SHANK2: variants seen among roughly 807,000 people sequenced by gnomAD.
SHANK2 encodes SH3 and multiple ankyrin repeat domains 2.
Under a neutral mutation model 133.7 loss-of-function variants are expected in SHANK2, and 43 were observed. The observed-to-expected ratio is 0.32, with a 90% CI of 0.25 to 0.41. The LOEUF (loss-of-function observed/expected upper bound fraction) is 0.41, where lower values mean the gene tolerates loss of function less well. Among genes scored for constraint, SHANK2 ranks in the 10% least tolerant of loss-of-function variants. The probability of loss-of-function intolerance (pLI) is 1.00; values close to 1 mark genes in which losing one functional copy is unlikely to be tolerated. For missense variants in SHANK2, 1,994 were observed against 2,235.8 expected, an observed-to-expected ratio of 0.89 and a Z score of 2.18; for synonymous variants, 1,017 against 952.8, an observed-to-expected ratio of 1.07 and a Z score of -1.24.
chr11:71,133,926 A>ATT (rs782273886), intron 3 of SHANK2, among the ~76,000 whole-genome samples: 4,265 of 144,044 alleles, frequency 0.03, 117 homozygotes, highest in African/African-American at 0.08. Context: ...AAAACTATGT[A>ATT]TTTTTTTTTT....
Position 71,241,785 on chromosome 11 carries a change from A to G in SHANK2, c.-113+10640T>C, listed in dbSNP as rs1321014694. Reference sequence around the variant, plus strand: ...TACTTTCTCCTGAGACCCATGAAGAAAGGTGGGGCCTCCTTCTGTGAGAAA... The same window carrying G: ...TACTTTCTCCTGAGACCCATGAAGAGAGGTGGGGCCTCCTTCTGTGAGAAA... On this transcript the variant is annotated intron_variant, in intron 1 of 25. Transcript: ENST00000601538. 3.9e-4 allele frequency among the ~76,000 whole-genome samples: 60 copies of G among 152,230 alleles called. 2 individuals are homozygous for G. Among genetic ancestry groups the G allele is most frequent in the Admixed American group, 2.5e-3 (38 of 15,282 alleles).
At chr11:70,632,088 T>C (rs1416404139) in intron 17 of SHANK2, among the ~76,000 whole-genome samples, 30 of 152,212 alleles carry the variant, frequency 2.0e-4, no homozygotes, top group African/African-American at 7.2e-4. Context: ...AGAATGCGAT[T>C]TGTCCTTCAA....
intron 10 of SHANK2, among the ~76,000 whole-genome samples, chr11:70,909,542 G>A (rs1950157911): frequency 6.6e-6 from 1 of 152,146 alleles, no homozygotes; most frequent in Non-Finnish European, 1.5e-5. Context: ...TGAGGAAGTA[G>A]AGCTGTCGTG....
In SHANK2 at chr11:70,944,075, A is replaced by G. The variant is rs1188829550; in HGVS notation, c.1108-47508T>C. ...GGCTAGCTACATCTTGTCCACAGCA[A>G]GGTAGGCAGTCGACTGCAATTCTAT... On this transcript the variant is annotated intron_variant, in intron 10 of 25. Coordinates refer to ENST00000601538, the MANE Select transcript of SHANK2 (RefSeq NM_012309.5). The G allele has an allele frequency of 4.6e-4, 188 of 411,622 alleles. 2 individuals are homozygous for G. Among genetic ancestry groups the G allele is most frequent in the South Asian group, 2.8e-3 (161 of 57,212 alleles). 25.5% of individuals were successfully genotyped at this position (411,622 alleles called of 1,614,324 possible). A position where few individuals can be genotyped will look rare whatever the true frequency, so the allele number is the denominator to read the frequency against.
At chr11:70,801,626 TGGA>T (rs1948049344) in intron 13 of SHANK2, among the ~76,000 whole-genome samples, 2 of 151,984 alleles carry the variant, frequency 1.3e-5, no homozygotes, top group African/African-American at 2.4e-5. Context: ...TAAGAAGAGG[TGGA>T]GGAGAAGAGG....
rs5792531 is a variant in SHANK2, at chr11:70,717,814, GA to G, written c.1778-19052del. 2.4e-4 allele frequency among the ~76,000 whole-genome samples: 35 copies of G among 146,540 alleles called. No homozygotes were observed. In the East Asian group the frequency reaches 3.2e-3, roughly 13 times the overall value. On this transcript the variant is annotated intron_variant, in intron 14 of 25. Coordinates refer to ENST00000601538, the MANE Select transcript of SHANK2 (RefSeq NM_012309.5). ...CTACTACTGCCTGTTAATTCAACAGGAAAAAAAAAAAGTTGCAGCCCTCTGG... is the reference window on the plus strand; with the variant it reads ...CTACTACTGCCTGTTAATTCAACAGGAAAAAAAAAAGTTGCAGCCCTCTGG...
intron 2 of SHANK2, among the ~76,000 whole-genome samples, chr11:71,193,117 A>G (rs1423272032): frequency 6.6e-6 from 1 of 152,246 alleles, no homozygotes; most frequent in Non-Finnish European, 1.5e-5. Context: ...GCCTCCAGGC[A>G]ATGCAGAGAC....
chr11:70,816,225 G>A (rs1407713546), intron 12 of SHANK2, among the ~76,000 whole-genome samples: 1 of 152,260 alleles, frequency 6.6e-6, no homozygotes, highest in African/African-American at 2.4e-5. Context: ...TCGGGAGGGG[G>A]TGAAAGTCAT....
At position 70,923,265 on chromosome 11, in the gene SHANK2, T is replaced by C. The variant is rs1234864145; in HGVS notation, c.1108-26698A>G. ...GTTTTGTTTTGCTTTGTTTTTGAGA[T>C]GGAGTCTTTCTCTGTTACCCAGGCT... is the stretch of plus-strand genomic sequence containing the variant. On this transcript the variant is annotated intron_variant, in intron 10 of 25. Transcript: ENST00000601538. Among the ~76,000 whole-genome samples, 6 of 152,358 alleles carry C rather than the reference T, an allele frequency of 3.9e-5. No homozygotes were observed. The East Asian group carries it at 9.6e-4, about 24-fold the overall frequency.
chr11:70,693,677 C>T (rs551010756), intron 15 of SHANK2, among the ~76,000 whole-genome samples: 1 of 152,274 alleles, frequency 6.6e-6, no homozygotes, highest in African/African-American at 2.4e-5. Flanking sequence ...TGTTTATATC[C>T]TCAGCTCCCA....
chr11:70,712,601 C>G (rs1266494789), intron 14 of SHANK2, among the ~76,000 whole-genome samples: 2 of 152,252 alleles, frequency 1.3e-5, no homozygotes, highest in Non-Finnish European at 2.9e-5. Context: ...AAACAACACT[C>G]AGTTCCAATT....
intron 13 of SHANK2, among the ~76,000 whole-genome samples, chr11:70,803,020 G>A (rs12164812): frequency 0.012 from 1,757 of 152,274 alleles, 32 homozygotes; most frequent in African/African-American, 0.037. Flanking sequence ...GAGAGGGAGC[G>A]TGGCAGGTGG....
chr11:71,200,402 T>C (rs910035300), intron 2 of SHANK2, among the ~76,000 whole-genome samples: 1 of 152,230 alleles, frequency 6.6e-6, no homozygotes, highest in Non-Finnish European at 1.5e-5. Flanking sequence ...TGGGCTATTA[T>C]AAATAACGCT....
chr11:70,752,574 C>T (rs1167099956), intron 14 of SHANK2, among the ~76,000 whole-genome samples: 2 of 151,816 alleles, frequency 1.3e-5, no homozygotes, highest in African/African-American at 2.4e-5. Context: ...GGCGAAGTGG[C>T]GGGCGCCTGT....
intron 3 of SHANK2, among the ~76,000 whole-genome samples, chr11:71,139,121 A>G (rs1428397095): frequency 6.6e-6 from 1 of 152,322 alleles, no homozygotes; most frequent in East Asian, 1.9e-4. Context: ...CACTGACTCA[A>G]GCACAGAATG....
intron 16 of SHANK2, 44 bp downstream of exon 16, chr11:70,661,549 ACAC>A (rs2061490616): frequency 2.2e-6 from 3 of 1,365,408 alleles, no homozygotes; most frequent in African/African-American, 1.5e-5. Flanking sequence ...ACACACACAC[ACAC>A]ACAAACATGG....
intron 10 of SHANK2, among the ~76,000 whole-genome samples, chr11:70,903,234 G>A (rs542394972): frequency 6.6e-6 from 1 of 151,930 alleles, no homozygotes; most frequent in East Asian, 1.9e-4. Context: ...AAAATTAGCT[G>A]TGCGTGGTGG....
chr11:70,919,549 AT>A (rs1200083368), intron 10 of SHANK2, among the ~76,000 whole-genome samples: 1 of 151,918 alleles, frequency 6.6e-6, no homozygotes, highest in Admixed American at 6.5e-5. Context: ...CACCTGGCTA[AT>A]TTTGTATTTT....
chr11:70,485,231 G>C lies in SHANK2; in HGVS notation c.4979+83C>G. On this transcript the variant is annotated intron_variant, in intron 25 of 25. Coordinates refer to ENST00000601538, the MANE Select transcript of SHANK2 (RefSeq NM_012309.5). This position sits in a 1 kb window ranked among gnomAD's most constrained non-coding sequence, Gnocchi z 5.8. ...ACGAATTCCCCTCTTCGTGTCCGCT[G>C]GGGCTGCTACCCGAGGGCCTTTCCT... 8.4e-7 allele frequency: 1 copy of C among 1,184,004 alleles called. No individual in the cohort carries two copies. The highest frequency in any genetic ancestry group is 1.3e-6 in the Non-Finnish European group (1 of 798,184). 73.3% of individuals were successfully genotyped at this position (1,184,004 alleles called of 1,614,324 possible).
Sources: allele counts gnomAD v4.1 joint callset (sites outside exome capture counted in the v4.1 genomes callset), GRCh38; gene constraint gnomAD v4.1.1; non-coding constraint Gnocchi (gnomAD v3.1); transcripts MANE v1.5; gene names NCBI Gene and HGNC (gene_info 2026-07-23, HGNC 2026-07-21).